Variants in KCNK12 observed in about 807,000 individuals in gnomAD.
KCNK12 encodes potassium two pore domain channel subfamily K member 12.
In KCNK12, 6 loss-of-function variants were observed where a neutral mutation model predicts 25.3. The ratio of observed to expected loss-of-function variants is 0.24; its 90% CI spans 0.13 to 0.47. KCNK12 has a LOEUF of 0.47. Ranked by LOEUF, KCNK12 falls within the 20% of genes least tolerant of loss-of-function variation. KCNK12 has a pLI of 0.99. For missense variants in KCNK12, 444 were observed against 661.7 expected, an observed-to-expected ratio of 0.67 and a Z score of 3.61; for synonymous variants, 331 against 311.1, an observed-to-expected ratio of 1.06 and a Z score of -0.67.
chr2:47,544,006 A>G (rs1669258029), intron 1 of KCNK12, among the ~76,000 whole-genome samples: 2 of 152,134 alleles, frequency 1.3e-5, no homozygotes, highest in Non-Finnish European at 2.9e-5. Flanking sequence ...ATAAGTACGC[A>G]GGGCCTGCCT....
chr2:47,550,377 A>G (rs897964265), intron 1 of KCNK12, among the ~76,000 whole-genome samples: 1 of 116,418 alleles, frequency 8.6e-6, no homozygotes, highest in Non-Finnish European at 1.7e-5. Context: ...ATATTCACAG[A>G]CTTTTTTTTT....
At chr2:47,561,856 A>G (rs1415135008) in intron 1 of KCNK12, among the ~76,000 whole-genome samples, 1 of 152,184 alleles carries the variant, frequency 6.6e-6, no homozygotes, top group East Asian at 1.9e-4. Context: ...GTGTGTTTAG[A>G]GTCGACACTA....
intron 1 of KCNK12, among the ~76,000 whole-genome samples, chr2:47,526,488 T>G (rs1414850676): frequency 1.3e-5 from 2 of 151,720 alleles, no homozygotes; most frequent in Non-Finnish European, 2.9e-5. Context: ...TCCCCAGCAC[T>G]TTGGGAGGCC....
In KCNK12 at chr2:47,533,159, T is replaced by A. The variant is rs1223930414; in HGVS notation, c.392-11351A>T. ...CCAAGTAGCTGGGACTACAGGTGCG[T>A]GCCACCACATCTGGCTAATTTTTGT... is the stretch of plus-strand genomic sequence containing the variant. On this transcript the variant is annotated intron_variant, in intron 1 of 1. Coordinates refer to ENST00000327876, the MANE Select transcript of KCNK12 (RefSeq NM_022055.2). This position sits in a 1 kb window ranked among gnomAD's most constrained non-coding sequence, Gnocchi z 4.7. Among the ~76,000 whole-genome samples, 1 of 152,100 alleles carries A rather than the reference T, an allele frequency of 6.6e-6. No homozygotes were observed. The highest frequency in any genetic ancestry group is 1.9e-4 in the East Asian group (1 of 5,186).
chr2:47,527,894 T>C (rs1668823216), intron 1 of KCNK12: 1 of 152,258 alleles, frequency 6.6e-6, no homozygotes, highest in South Asian at 2.1e-4. Flanking sequence ...CTCAGAAATA[T>C]GGTGGAAAAC....
At position 47,520,767 on chromosome 2, in the gene KCNK12, A is replaced by G. The variant is rs1668633031; in HGVS notation, c.*140T>C. ...TTGATAACATCAGGCCTGGCCAAATAGTATTTCTTTAAAAAAATTTTTTTT... is the reference window on the plus strand; with the variant it reads ...TTGATAACATCAGGCCTGGCCAAATGGTATTTCTTTAAAAAAATTTTTTTT... On this transcript the variant is annotated 3_prime_UTR_variant, in exon 2 of 2. Coordinates refer to ENST00000327876, the MANE Select transcript of KCNK12 (RefSeq NM_022055.2). This position sits in a 1 kb window ranked among gnomAD's most constrained non-coding sequence, Gnocchi z 5.0. 1.8e-6 allele frequency: 1 copy of G among 541,342 alleles called. No individual in the cohort carries two copies. The allele number at this position is 541,342 out of a possible 1,614,324, so 33.5% of individuals were successfully genotyped here. A position where few individuals can be genotyped will look rare whatever the true frequency, so the allele number is the denominator to read the frequency against.
At chr2:47,563,923 C>T (rs993267952) in intron 1 of KCNK12, 10 of 231,750 alleles carry the variant, frequency 4.3e-5, no homozygotes, top group East Asian at 6.1e-5. Context: ...CCAGGAATAG[C>T]GGCAGACCAT....
chr2:47,526,724 C>A (rs751650086), intron 1 of KCNK12, among the ~76,000 whole-genome samples: 2 of 152,196 alleles, frequency 1.3e-5, no homozygotes, highest in Admixed American at 6.5e-5. Context: ...CAGAGCGAAA[C>A]TCCGTCTCAA....
intron 1 of KCNK12, among the ~76,000 whole-genome samples, chr2:47,558,147 T>C (rs1452950907): frequency 1.3e-5 from 2 of 152,248 alleles, no homozygotes; most frequent in Non-Finnish European, 2.9e-5. Context: ...GCCCCTCCCA[T>C]GTGCCATGCC....
rs1355212468 is a variant in KCNK12 at position 47,533,077 on chromosome 2, C to A, written c.392-11269G>T. 1.3e-5 allele frequency among the ~76,000 whole-genome samples: 2 copies of A among 152,162 alleles called. No individual in the cohort carries two copies. The highest frequency in any genetic ancestry group is 2.9e-5 in the Non-Finnish European group (2 of 68,026). On this transcript the variant is annotated intron_variant, in intron 1 of 1. Transcript: ENST00000327876. This position sits in a 1 kb window ranked among gnomAD's most constrained non-coding sequence, Gnocchi z 4.7. ...CCAGGCTGGAGTGCAGTGGTGTGAT[C>A]TTGGCTCACTGCAACCTCCACCTCC...
At chr2:47,535,668 T>C (rs1230156154) in intron 1 of KCNK12, among the ~76,000 whole-genome samples, 1 of 152,174 alleles carries the variant, frequency 6.6e-6, no homozygotes, top group Non-Finnish European at 1.5e-5. Context: ...GGTGTCATTA[T>C]GCCGGTGAGG....
chr2:47,542,800 A>T (rs1370868299), intron 1 of KCNK12, among the ~76,000 whole-genome samples: 1 of 152,242 alleles, frequency 6.6e-6, no homozygotes, highest in African/African-American at 2.4e-5. Flanking sequence ...AGCGACAAGC[A>T]AGAAAGACAT....
rs981903804 is a variant in KCNK12, at chr2:47,514,751, C to T, written c.*6156G>A. Among the ~76,000 whole-genome samples the T allele has an allele frequency of 6.6e-6, 1 of 152,082 alleles. No individual in the cohort carries two copies. The highest frequency in any genetic ancestry group is 6.5e-5 in the Admixed American group (1 of 15,274). On this transcript the variant is annotated 3_prime_UTR_variant, in exon 2 of 2. Transcript: ENST00000327876. This position sits in a 1 kb window ranked among gnomAD's most constrained non-coding sequence, Gnocchi z 5.0. ...TCAGCCCCCTGAGTCTCTTGGACTCCAGGCGTGCACCACCATGACTGGCTA... is the reference window on the plus strand; with the variant it reads ...TCAGCCCCCTGAGTCTCTTGGACTCTAGGCGTGCACCACCATGACTGGCTA...
At chr2:47,522,464 G>A (rs1318948743) in intron 1 of KCNK12, among the ~76,000 whole-genome samples, 2 of 152,148 alleles carry the variant, frequency 1.3e-5, no homozygotes, top group Non-Finnish European at 2.9e-5. Context: ...CTTCGAAAAG[G>A]CCTTTGGTCA....
intron 1 of KCNK12, among the ~76,000 whole-genome samples, chr2:47,534,515 A>ACCGC (rs1553378751): frequency 2.1e-5 from 1 of 48,162 alleles, no homozygotes; most frequent in South Asian, 1.2e-3. Context: ...GCCCCTTCTA[A>ACCGC]CCCCCCCCCC....
intron 1 of KCNK12, among the ~76,000 whole-genome samples, chr2:47,536,346 A>G (rs1375134647): frequency 1.3e-5 from 2 of 152,036 alleles, no homozygotes; most frequent in South Asian, 2.1e-4. Context: ...GTGTTTTTCT[A>G]TGTTAGCTTG....
Position 47,513,650 on chromosome 2 carries a change from C to A in KCNK12, c.*7257G>T, listed in dbSNP as rs1480582912. Among the ~76,000 whole-genome samples, 1 of 152,188 alleles carries A rather than the reference C, an allele frequency of 6.6e-6. No individual in the cohort carries two copies. Among genetic ancestry groups the A allele is most frequent in the Non-Finnish European group, 1.5e-5 (1 of 68,042 alleles). On this transcript the variant is annotated 3_prime_UTR_variant, in exon 2 of 2. Transcript: ENST00000327876. ...GGGAACCCCTCCCCCATGGTTATCTCATGGGTCCCTGAAGTCCAACTTCTC... is the reference window on the plus strand; with the variant it reads ...GGGAACCCCTCCCCCATGGTTATCTAATGGGTCCCTGAAGTCCAACTTCTC...
At chr2:47,535,480 G>A (rs150551309) in intron 1 of KCNK12, among the ~76,000 whole-genome samples, 238 of 152,288 alleles carry the variant, frequency 1.6e-3, no homozygotes, top group Middle Eastern at 0.01. Flanking sequence ...TCTAATGGGG[G>A]TGGGGCTGGA....
rs943863317 is a variant in KCNK12, at chr2:47,528,790, C to T, written c.392-6982G>A. ...CTGGTGCCGCCTTCGCAAATGGGGC[C>T]CTGGTGATGGGGCCTTCGGAGTTCA... On this transcript the variant is annotated intron_variant, in intron 1 of 1. Transcript: ENST00000327876. The surrounding 1 kb of genome is among the most constrained non-coding windows in gnomAD (Gnocchi z 4.5). 6.6e-6 allele frequency among the ~76,000 whole-genome samples: 1 copy of T among 152,178 alleles called. No homozygotes were observed. The highest frequency in any genetic ancestry group is 1.5e-5 in the Non-Finnish European group (1 of 68,032).
Sources: allele counts gnomAD v4.1 joint callset (sites outside exome capture counted in the v4.1 genomes callset), GRCh38; gene constraint gnomAD v4.1.1; non-coding constraint Gnocchi (gnomAD v3.1); transcripts MANE v1.5; gene names NCBI Gene and HGNC (gene_info 2026-07-23, HGNC 2026-07-21).